Variants in MYLK observed in about 807,000 individuals in gnomAD.
MYLK encodes myosin light chain kinase.
In MYLK, 106 loss-of-function variants were observed where a neutral mutation model predicts 203.4. That is an observed-to-expected ratio of 0.52 (90% CI 0.45 to 0.61). The LOEUF is 0.61. MYLK is among the 20% of genes least tolerant of loss of function. MYLK has a pLI of 0.00. For synonymous variants in MYLK, 867 were observed against 959.5 expected (o/e 0.90, Z 1.78); for missense variants, 2,072 against 2,442.3 (o/e 0.85, Z 3.20).
intron 18 of MYLK, 70 bp from the exon 19 acceptor site, chr3:123,692,921 A>G: frequency 7.3e-7 from 1 of 1,368,134 alleles, no homozygotes; most frequent in Non-Finnish European, 1.0e-6. Context: ...GGAGCGCAGC[A>G]GGTGAGTGTT....
chr3:123,824,717 T>C (rs2066053777), intron 3 of MYLK, among the ~76,000 whole-genome samples: 1 of 151,738 alleles, frequency 6.6e-6, no homozygotes, highest in African/African-American at 2.4e-5. Flanking sequence ...AATATAGAGC[T>C]CTCTAAAATA....
At chr3:123,854,357 T>C (rs2031154210) in intron 2 of MYLK, among the ~76,000 whole-genome samples, 1 of 152,122 alleles carries the variant, frequency 6.6e-6, no homozygotes, top group African/African-American at 2.4e-5. Flanking sequence ...ACTCTGAATA[T>C]GGCTTTAACA....
At position 123,732,920 on chromosome 3, in the gene MYLK, A is replaced by G. The variant is rs1387151764; in HGVS notation, c.1492T>C (p.Cys498Arg). ...CTTTCCACTTGGAGGGTCCAGCTAC[A>G]GGACAGCTGGCCTTGGGCGTTGGAA... The part of the protein sequence containing the change: ...TASNAQGQLS[C>R]SWTLQVERLA... Residue 498 changes from cysteine (C) to arginine (R), a missense_variant, in exon 11 of 34, where the codon TGT (cysteine) becomes CGT (arginine). Cys to Arg is a radical substitution (Grantham distance 180, BLOSUM62 -3). Coordinates refer to ENST00000360304, the MANE Select transcript of MYLK (RefSeq NM_053025.4). The G allele has an allele frequency of 6.2e-7, 1 of 1,614,178 alleles. No homozygotes were observed. The highest frequency in any genetic ancestry group is 8.5e-7 in the Non-Finnish European group (1 of 1,180,024).
Position 123,707,813 on chromosome 3 carries a change from G to A in MYLK, c.2331C>T (p.Phe777=), listed in dbSNP as rs747392280. ...HFEVLQNEDV[F]TLVLKKVQPW... is the part of the protein sequence containing the mutation. ...GCTGCACCTTCTTTAGAACCAGGGT[G>A]AACACGTCCTCATTCTGAAGCACCT... is the stretch of plus-strand genomic sequence containing the variant. Residue 777 remains phenylalanine, a synonymous_variant, in exon 16 of 34, where the codon TTC becomes TTT. Coordinates refer to ENST00000360304, the MANE Select transcript of MYLK (RefSeq NM_053025.4). 6.8e-6 allele frequency: 11 copies of A among 1,614,090 alleles called. No individual in the cohort carries two copies. The Admixed American group carries it at 1.5e-4, about 22-fold the overall frequency.
chr3:123,850,012 C>A (rs941949181), intron 2 of MYLK, among the ~76,000 whole-genome samples: 1 of 152,076 alleles, frequency 6.6e-6, no homozygotes, highest in African/African-American at 2.4e-5. Flanking sequence ...TTTGTCCTTG[C>A]GATAGTTTGC....
At chr3:123,874,821 G>A (rs1328888033) in intron 2 of MYLK, among the ~76,000 whole-genome samples, 2 of 152,036 alleles carry the variant, frequency 1.3e-5, no homozygotes, top group Non-Finnish European at 2.9e-5. Flanking sequence ...TAAAACTTGG[G>A]CAAAAGACTT....
In MYLK at chr3:123,831,546, A is replaced by G. The variant is rs2066329234; in HGVS notation, c.-4+2T>C. 1 of 615,994 alleles carries G rather than the reference A, an allele frequency of 1.6e-6. No individual in the cohort carries two copies. The highest frequency in any genetic ancestry group is 1.9e-5 in the African/African-American group (1 of 51,608). The allele number at this position is 615,994 out of a possible 1,614,324, so 38.2% of individuals were successfully genotyped here. ...AGCATAATGTAAACTCTGTTCACTC[A>G]CCACCGTCTTCTCTGTTGTTTGTTG... On this transcript the variant is annotated splice_donor_variant, in intron 3 of 33. Coordinates refer to ENST00000360304, the MANE Select transcript of MYLK (RefSeq NM_053025.4). LOFTEE classifies it low-confidence loss of function (5UTR_SPLICE).
intron 2 of MYLK, among the ~76,000 whole-genome samples, chr3:123,863,993 C>A (rs2032131287): frequency 6.6e-6 from 1 of 152,094 alleles, no homozygotes; most frequent in South Asian, 2.1e-4. Flanking sequence ...GTGGTATAGC[C>A]ATAAACAAAA....
chr3:123,677,291 C>G (rs2060101151), intron 20 of MYLK, among the ~76,000 whole-genome samples: 1 of 152,178 alleles, frequency 6.6e-6, no homozygotes, highest in Non-Finnish European at 1.5e-5. Context: ...GAGAAACTCC[C>G]CATCTGACTG....
intron 2 of MYLK, among the ~76,000 whole-genome samples, chr3:123,851,607 T>C (rs1446314707): frequency 1.3e-5 from 2 of 152,230 alleles, no homozygotes; most frequent in Non-Finnish European, 2.9e-5. Context: ...ATCCTAAGAC[T>C]TTGCTAAAGT....
intron 4 of MYLK, among the ~76,000 whole-genome samples, chr3:123,753,278 T>C (rs1018532766): frequency 6.6e-6 from 1 of 152,232 alleles, no homozygotes; most frequent in Non-Finnish European, 1.5e-5. Context: ...GAATTAAATG[T>C]ATTCAGATTA....
At chr3:123,701,364 C>A in intron 17 of MYLK, 74 bp downstream of exon 17, 1 of 1,482,958 alleles carries the variant, frequency 6.7e-7, no homozygotes, top group Non-Finnish European at 9.4e-7. Context: ...GGCTGCTGGG[C>A]TGGAGCTGCC....
Position 123,682,322 on chromosome 3 carries a change from C to A in MYLK, c.3566-12G>T. On this transcript the variant is annotated splice_polypyrimidine_tract_variant and intron_variant, in intron 19 of 33. Transcript: ENST00000360304. Reference sequence around the variant, plus strand: ...ACTGGCTGGAGCATCTGGAATGAAACAGGTAACAATAAATGTTAGCAGCTG... The same window carrying A: ...ACTGGCTGGAGCATCTGGAATGAAAAAGGTAACAATAAATGTTAGCAGCTG... The A allele has an allele frequency of 6.3e-7, 1 of 1,581,696 alleles. No individual in the cohort carries two copies. The highest frequency in any genetic ancestry group is 8.6e-7 in the Non-Finnish European group (1 of 1,160,418).
chr3:123,865,447 C>T (rs9876264), intron 2 of MYLK, among the ~76,000 whole-genome samples: 1,948 of 152,308 alleles, frequency 0.013, 46 homozygotes, highest in African/African-American at 0.045. Flanking sequence ...TCAAGTCTTC[C>T]TGTAGCTACT....
intron 3 of MYLK, among the ~76,000 whole-genome samples, chr3:123,830,258 G>C (rs140966901): frequency 4.8e-4 from 73 of 152,248 alleles, no homozygotes; most frequent in African/African-American, 1.8e-3. Flanking sequence ...GTTCGCTTTG[G>C]TCCAGCCTCC....
chr3:123,863,611 A>G (rs1380546364), intron 2 of MYLK, among the ~76,000 whole-genome samples: 1 of 152,184 alleles, frequency 6.6e-6, no homozygotes, highest in Non-Finnish European at 1.5e-5. Flanking sequence ...AGCGCTTAAT[A>G]TCCTTAATTA....
Position 123,629,585 on chromosome 3 carries a change from T to C in MYLK, c.5003A>G (p.Glu1668Gly), listed in dbSNP as rs2058324049. The change falls in exon 30 of 34, where the codon GAA becomes GGA. Residue 1668 changes from glutamate to glycine, a missense_variant. By Grantham distance (98) the Glu-to-Gly change is moderately conservative. Transcript: ENST00000360304. The surrounding 1 kb of genome is among the most constrained non-coding windows in gnomAD (Gnocchi z 4.4). ...LSPFMGDNDN[E>G]TLANVTSATW... ...GGCTGAGGTAACGTTGGCCAAGGTT[T>C]CGTTATCGTTGTCTCCCATGAAGGG... The C allele has an allele frequency of 6.2e-7, 1 of 1,613,976 alleles. No homozygotes were observed. The highest frequency in any genetic ancestry group is 1.3e-5 in the African/African-American group (1 of 74,906).
At chr3:123,651,261 G>A (rs1320261031) in intron 24 of MYLK, among the ~76,000 whole-genome samples, 1 of 152,144 alleles carries the variant, frequency 6.6e-6, no homozygotes, top group African/African-American at 2.4e-5. Flanking sequence ...ACCTCACGTA[G>A]GAGGAAGGCT....
chr3:123,618,927 G>A (rs1475707026), intron 32 of MYLK, among the ~76,000 whole-genome samples, 157 bp from the exon 33 acceptor site: 2 of 152,240 alleles, frequency 1.3e-5, no homozygotes, highest in Non-Finnish European at 2.9e-5. Flanking sequence ...CTGGGGACAG[G>A]TTGGCCTGCT....
Sources: allele counts gnomAD v4.1 joint callset (sites outside exome capture counted in the v4.1 genomes callset), GRCh38; gene constraint gnomAD v4.1.1; non-coding constraint Gnocchi (gnomAD v3.1); transcripts MANE v1.5; gene names NCBI Gene and HGNC (gene_info 2026-07-23, HGNC 2026-07-21).